Variants in PARL observed in about 807,000 individuals in gnomAD.
The protein encoded by PARL is presenilin associated rhomboid like.
A neutral mutation model predicts 51.6 loss-of-function variants in PARL; 44 were observed. The observed-to-expected ratio is 0.85, with a 90% CI of 0.67 to 1.10. The LOEUF is 1.10. Among genes scored for constraint, PARL ranks in the 50% least tolerant of loss-of-function variants. PARL has a pLI of 0.00. For missense variants in PARL, 441 were observed against 469.5 expected (o/e 0.94, Z 0.56); for synonymous variants, 172 against 164.0 (o/e 1.05, Z -0.37).
downstream of PARL, among the ~76,000 whole-genome samples, chr3:183,827,751 G>A (rs771327164): frequency 3.0e-4 from 45 of 152,158 alleles, no homozygotes; most frequent in Non-Finnish European, 3.2e-4. Flanking sequence ...GTGCAGGGCG[G>A]GGGGGTGGTC....
At chr3:183,832,852 C>G (rs1485303352) in intron 9 of PARL, among the ~76,000 whole-genome samples, 1 of 152,016 alleles carries the variant, frequency 6.6e-6, no homozygotes, top group Non-Finnish European at 1.5e-5. Flanking sequence ...GTGGAAAGGG[C>G]TTATAGAGGT....
chr3:183,845,801 T>C (rs1274179043), intron 4 of PARL, among the ~76,000 whole-genome samples: 2 of 152,162 alleles, frequency 1.3e-5, no homozygotes, highest in Non-Finnish European at 2.9e-5. Flanking sequence ...TTAGATTCCT[T>C]TGGGAGAGTT....
At chr3:183,864,065 G>A (rs1391799139) in intron 3 of PARL, among the ~76,000 whole-genome samples, 1 of 152,164 alleles carries the variant, frequency 6.6e-6, no homozygotes, top group African/African-American at 2.4e-5. Flanking sequence ...TAATGGAATA[G>A]GTCAGTTTTA....
At chr3:183,828,483 AG>A (rs980499371), downstream of PARL, among the ~76,000 whole-genome samples, 8 of 152,234 alleles carry the variant, frequency 5.3e-5, no homozygotes. Context: ...AAGTGATACG[AG>A]TTTAGAACAG....
At chr3:183,837,742 C>G (rs1172042452) in intron 7 of PARL, among the ~76,000 whole-genome samples, 2 of 152,208 alleles carry the variant, frequency 1.3e-5, no homozygotes, top group African/African-American at 4.8e-5. Context: ...AAAGTCTCAT[C>G]ATATCTAAAA....
intron 4 of PARL, chr3:183,861,434 A>G (rs1577350025): frequency 6.5e-6 from 1 of 153,252 alleles, no homozygotes; most frequent in Admixed American, 6.5e-5. Context: ...ATACAATTAC[A>G]TAAGGCACAC....
At position 183,829,478 on chromosome 3, in the gene PARL, G is replaced by A; in HGVS notation, c.*120C>T. The A allele has an allele frequency of 1.9e-6, 3 of 1,609,364 alleles. No homozygotes were observed. Among genetic ancestry groups the A allele is most frequent in the South Asian group, 2.2e-5 (2 of 90,568 alleles). Reference sequence around the variant, plus strand: ...GGACTGGGGGACACAGCTGAAAACAGTGGGAGGCCAGATGCTGGCATCTTC... The same window carrying A: ...GGACTGGGGGACACAGCTGAAAACAATGGGAGGCCAGATGCTGGCATCTTC... On this transcript the variant is annotated 3_prime_UTR_variant, in exon 10 of 10. Transcript: ENST00000317096.
chr3:183,870,504 T>C (rs571922970), intron 1 of PARL, among the ~76,000 whole-genome samples: 158 of 152,024 alleles, frequency 1.0e-3, no homozygotes, highest in African/African-American at 3.7e-3. Context: ...AAATGTCCTC[T>C]CAGAGGGCCA....
intron 1 of PARL, among the ~76,000 whole-genome samples, chr3:183,868,820 ATTTTC>A (rs1213219636): frequency 6.6e-6 from 1 of 152,150 alleles, no homozygotes; most frequent in Non-Finnish European, 1.5e-5. Flanking sequence ...TTCAATAATT[ATTTTC>A]TTTTCTAAGT....
intron 9 of PARL, among the ~76,000 whole-genome samples, chr3:183,832,265 C>T (rs1269393790): frequency 1.3e-5 from 2 of 151,106 alleles, no homozygotes; most frequent in Admixed American, 1.3e-4. Flanking sequence ...GTCGCCCAGG[C>T]TGGAGTGCAG....
At chr3:183,833,008 G>GT (rs1267472309) in intron 9 of PARL, among the ~76,000 whole-genome samples, 1 of 152,206 alleles carries the variant, frequency 6.6e-6, no homozygotes, top group Non-Finnish European at 1.5e-5. Context: ...CGGGTACTCA[G>GT]TAAGTGGTCC....
Position 183,843,606 on chromosome 3 carries a change from G to A in PARL, c.607+625C>T, listed in dbSNP as rs568620539. Among the ~76,000 whole-genome samples, 7 of 152,296 alleles carry A rather than the reference G, an allele frequency of 4.6e-5. No homozygotes were observed. In the East Asian group the frequency reaches 5.8e-4, roughly 13 times the overall value. Reference sequence around the variant, plus strand: ...AGCACTTTGGGAGGCTGAGGCGGGCGGATCACGAGGTCAGGAGATCGAGAC... The same window carrying A: ...AGCACTTTGGGAGGCTGAGGCGGGCAGATCACGAGGTCAGGAGATCGAGAC... On this transcript the variant is annotated intron_variant, in intron 5 of 9. Coordinates refer to ENST00000317096, the MANE Select transcript of PARL (RefSeq NM_018622.7).
chr3:183,865,590 C>T (rs1382946925), intron 3 of PARL, among the ~76,000 whole-genome samples: 1 of 152,174 alleles, frequency 6.6e-6, no homozygotes. Flanking sequence ...CTAGGTGGCA[C>T]GCTCCTTATG....
intron 4 of PARL, chr3:183,844,540 G>A (rs866911333): frequency 3.8e-6 from 2 of 523,778 alleles, no homozygotes; most frequent in South Asian, 2.4e-5. Context: ...CTGGGAAATT[G>A]TAAATGCTCT....
At chr3:183,853,380 T>C (rs1419356954) in intron 4 of PARL, among the ~76,000 whole-genome samples, 1 of 152,076 alleles carries the variant, frequency 6.6e-6, no homozygotes, top group Non-Finnish European at 1.5e-5. Flanking sequence ...CTGGCCAACA[T>C]GGCGAAACCC....
At position 183,840,609 on chromosome 3, in the gene PARL, A is replaced by G; in HGVS notation, c.789T>C (p.Gly263=). 1 of 1,565,912 alleles carries G rather than the reference A, an allele frequency of 6.4e-7. No individual in the cohort carries two copies. The highest frequency in any genetic ancestry group is 8.8e-7 in the Non-Finnish European group (1 of 1,141,446). Residue 263 remains glycine (G), a synonymous_variant, in exon 7 of 10, where the codon GGT becomes GGC. Coordinates refer to ENST00000317096, the MANE Select transcript of PARL (RefSeq NM_018622.7). ...GVISNFVSYV[G]KVATGRYGPS... ...GTCCATATCTTCCTGTGGCAACTTT[A>G]CCCACGTAACTGACAAAATTGGAAA...
chr3:183,838,900 G>A (rs1475980247), intron 7 of PARL, among the ~76,000 whole-genome samples: 1 of 152,186 alleles, frequency 6.6e-6, no homozygotes, highest in Non-Finnish European at 1.5e-5. Context: ...AAGTCCTCTA[G>A]AGAATCCTCA....
chr3:183,830,950 G>C (rs1348368772), intron 9 of PARL, among the ~76,000 whole-genome samples: 6 of 152,158 alleles, frequency 3.9e-5, no homozygotes, highest in African/African-American at 1.2e-4. Flanking sequence ...CACTTTGTCA[G>C]GAACTCTTCA....
chr3:183,829,470 TG>T lies in PARL; in HGVS notation c.*127del. ...AAAGACACGGACTGGGGGACACAGC[TG>T]AAAACAGTGGGAGGCCAGATGCTGG... On this transcript the variant is annotated 3_prime_UTR_variant, in exon 10 of 10. Coordinates refer to ENST00000317096, the MANE Select transcript of PARL (RefSeq NM_018622.7). The T allele has an allele frequency of 6.2e-7, 1 of 1,608,046 alleles. No individual in the cohort carries two copies. The highest frequency in any genetic ancestry group is 2.2e-5 in the East Asian group (1 of 44,800).
Sources: gnomAD v4.1 joint callset for allele counts (sites outside exome capture counted in the v4.1 genomes callset) on GRCh38, gnomAD v4.1.1 for gene constraint, MANE v1.5 for transcripts, NCBI Gene and HGNC (gene_info 2026-07-23, HGNC 2026-07-21) for gene names.